The following TMEM44 variants were observed in gnomAD, a reference collection of about 807,000 sequenced individuals.
The protein encoded by TMEM44 is transmembrane protein 44.
In TMEM44, 43 loss-of-function variants were observed where a neutral mutation model predicts 47.8. The observed-to-expected ratio is 0.90, with a 90% CI of 0.70 to 1.16. TMEM44 has a LOEUF of 1.16. TMEM44 is among the 50% of genes most tolerant of loss of function. The pLI, the probability that TMEM44 is intolerant of heterozygous loss-of-function variation, is 0.00. For synonymous variants in TMEM44, 277 were observed against 238.8 expected (o/e 1.16, Z -1.48); for missense variants, 568 against 555.2 (o/e 1.02, Z -0.23).
intron 2 of TMEM44, among the ~76,000 whole-genome samples, chr3:194,626,922 T>G (rs1223114484): frequency 9.3e-6 from 1 of 107,492 alleles, no homozygotes; most frequent in Non-Finnish European, 1.9e-5. Context: ...AGCTGGGACC[T>G]ACTGTATTTT....
intron 2 of TMEM44, 60 bp from the exon 3 acceptor site, chr3:194,626,050 G>T: frequency 7.3e-7 from 1 of 1,363,642 alleles, no homozygotes; most frequent in Non-Finnish European, 1.0e-6. Context: ...CCCCTACAGA[G>T]TTTGTCATCC....
chr3:194,597,599 G>A (rs112092055), intron 9 of TMEM44, among the ~76,000 whole-genome samples: 1,929 of 150,618 alleles, frequency 0.013, 43 homozygotes, highest in African/African-American at 0.045. Flanking sequence ...GGTGGAGGTT[G>A]CCCTGAGCCG....
chr3:194,629,646 C>G (rs915877103), intron 1 of TMEM44, among the ~76,000 whole-genome samples: 2 of 147,184 alleles, frequency 1.4e-5, no homozygotes, highest in African/African-American at 2.5e-5. Context: ...CGTTGTCGTA[C>G]CTGCCTCCCG....
intron 1 of TMEM44, among the ~76,000 whole-genome samples, chr3:194,629,981 C>T (rs1406325961): frequency 1.6e-5 from 1 of 61,546 alleles, no homozygotes; most frequent in African/African-American, 6.6e-5. Context: ...ACTGATAGGG[C>T]CCCTGAAATA....
intron 9 of TMEM44, among the ~76,000 whole-genome samples, chr3:194,600,817 C>T (rs371787531): frequency 3.3e-5 from 5 of 152,238 alleles, no homozygotes; most frequent in South Asian, 4.1e-4. Flanking sequence ...GGGGATCACA[C>T]ACCTGAAAAA....
At chr3:194,617,700 G>A in intron 5 of TMEM44, 1 of 704,118 alleles carries the variant, frequency 1.4e-6, no homozygotes, top group Non-Finnish European at 2.6e-6. Context: ...AGAACGTGAG[G>A]GAGACTGGGA....
intron 9 of TMEM44, among the ~76,000 whole-genome samples, chr3:194,597,995 T>C (rs767615836): frequency 6.6e-5 from 10 of 152,226 alleles, no homozygotes; most frequent in Non-Finnish European, 1.3e-4. Context: ...GCCCTTCGGA[T>C]GGCTTTGCCA....
rs1318309890 is a variant in TMEM44 at position 194,611,937 on chromosome 3, G to C, written c.913-917C>G. 6.6e-6 allele frequency among the ~76,000 whole-genome samples: 1 copy of C among 152,010 alleles called. No homozygotes were observed. Among genetic ancestry groups the C allele is most frequent in the Non-Finnish European group, 1.5e-5 (1 of 68,008 alleles). On this transcript the variant is annotated intron_variant, in intron 7 of 9. Coordinates refer to ENST00000347147, the MANE Select transcript of TMEM44 (RefSeq NM_001011655.3). The surrounding 1 kb of genome is among the most constrained non-coding windows in gnomAD (Gnocchi z 4.2). ...CGTGGGAGGCGGAGGCAGGAGAATC[G>C]CTTGAACCCAGGAGGCGGAGGTTGC...
chr3:194,626,673 GTAGTT>G (rs1717210548), intron 2 of TMEM44, among the ~76,000 whole-genome samples: 1 of 150,676 alleles, frequency 6.6e-6, no homozygotes, highest in Non-Finnish European at 1.5e-5. Context: ...TGCCAAGTAT[GTAGTT>G]AAGTTTTTTT....
intron 5 of TMEM44, chr3:194,617,841 T>G: frequency 1.5e-6 from 1 of 676,666 alleles, no homozygotes; most frequent in Non-Finnish European, 2.7e-6. Context: ...ATACCCTGGG[T>G]GCTGTCCTCA....
At position 194,605,834 on chromosome 3, in the gene TMEM44, T is replaced by C. The variant is rs555016380; in HGVS notation, c.1018-1389A>G. On this transcript the variant is annotated intron_variant, in intron 8 of 9. Transcript: ENST00000347147. The stretch of plus-strand genomic sequence containing the variant: ...GGGTGTCATGGGGCTCAGATGTAAA[T>C]GCCTGGGACACATGAGGAGAATGGC... Among the ~76,000 whole-genome samples the C allele has an allele frequency of 2.0e-5, 3 of 152,126 alleles. 1 individual carries two copies. In the South Asian group the frequency reaches 6.2e-4, roughly 31 times the overall value.
intron 7 of TMEM44, among the ~76,000 whole-genome samples, chr3:194,612,998 T>C (rs1282870123): frequency 6.6e-6 from 1 of 152,206 alleles, no homozygotes; most frequent in African/African-American, 2.4e-5. Context: ...TTCTCAATTA[T>C]TTGGAACCAA....
At chr3:194,629,588 A>G (rs1717551046) in intron 1 of TMEM44, among the ~76,000 whole-genome samples, 1 of 148,478 alleles carries the variant, frequency 6.7e-6, no homozygotes, top group Non-Finnish European at 1.5e-5. Flanking sequence ...ATGCCTCCTG[A>G]AGGGGCTGGC....
chr3:194,627,777 G>A (rs1310179202), intron 2 of TMEM44, among the ~76,000 whole-genome samples: 6 of 152,126 alleles, frequency 3.9e-5, no homozygotes, highest in East Asian at 1.9e-4. Flanking sequence ...TCAGGAGTTC[G>A]AGACCAGCCT....
In TMEM44 at chr3:194,622,473, A is replaced by AC. The variant is rs200132594; in HGVS notation, c.612+750dup. 856 of 135,174 alleles carry AC rather than the reference A, an allele frequency of 6.3e-3. 10 individuals carry two copies. Among genetic ancestry groups the AC allele is most frequent in the African/African-American group, 0.023 (824 of 35,594 alleles). 8.4% of individuals were successfully genotyped at this position (135,174 alleles called of 1,614,324 possible). A position where few individuals can be genotyped will look rare whatever the true frequency, so the allele number is the denominator to read the frequency against. On this transcript the variant is annotated intron_variant, in intron 5 of 9. Coordinates refer to ENST00000347147, the MANE Select transcript of TMEM44 (RefSeq NM_001011655.3). ...AAGCGCTCGCCCCTGCTCACATCTT[A>AC]CCCCCCCCAGCACTGGCCGACACAG...
chr3:194,612,045 T>A (rs1198410413), intron 7 of TMEM44, among the ~76,000 whole-genome samples: 1 of 151,190 alleles, frequency 6.6e-6, no homozygotes, highest in Non-Finnish European at 1.5e-5. Context: ...AATAAATAAA[T>A]AAATAAATAA....
intron 9 of TMEM44, among the ~76,000 whole-genome samples, chr3:194,597,944 A>G (rs925522095): frequency 2.0e-5 from 3 of 152,106 alleles, no homozygotes; most frequent in Non-Finnish European, 2.9e-5. Context: ...CAGGCACGGG[A>G]CTCTGAGCTC....
chr3:194,592,069 T>C (rs1395271243), intron 9 of TMEM44, among the ~76,000 whole-genome samples: 1 of 151,804 alleles, frequency 6.6e-6, no homozygotes, highest in Admixed American at 6.6e-5. Context: ...ATACAAAAAA[T>C]TAGCCGGGCG....
chr3:194,612,396 C>A (rs1715414930), intron 7 of TMEM44, among the ~76,000 whole-genome samples: 1 of 152,222 alleles, frequency 6.6e-6, no homozygotes, highest in African/African-American at 2.4e-5. Flanking sequence ...CTCTGCGTCA[C>A]ATACACCACG....
Sources: gnomAD v4.1 joint callset for allele counts (sites outside exome capture counted in the v4.1 genomes callset) on GRCh38, gnomAD v4.1.1 for gene constraint, Gnocchi (gnomAD v3.1) non-coding constraint, MANE v1.5 for transcripts, NCBI Gene and HGNC (gene_info 2026-07-23, HGNC 2026-07-21) for gene names.